The following MTRES1 variants were observed in gnomAD, a reference collection of about 807,000 sequenced individuals.
The protein encoded by MTRES1 is uncharacterized protein C6orf203.
In MTRES1, 11 loss-of-function variants were observed where a neutral mutation model predicts 17.4. The ratio of observed to expected loss-of-function variants is 0.63; its 90% CI spans 0.40 to 1.05. The LOEUF (loss-of-function observed/expected upper bound fraction) is 1.05, where lower values mean the gene tolerates loss of function less well. MTRES1 is among the 50% of genes least tolerant of loss of function. The pLI is 0.00. For synonymous variants in MTRES1, 94 were observed against 99.6 expected, an observed-to-expected ratio of 0.94 and a Z score of 0.34; for missense variants, 268 against 276.2, an observed-to-expected ratio of 0.97 and a Z score of 0.21.
chr6:107,030,158 C>T lies in MTRES1; in HGVS notation c.-13+1887C>T, dbSNP rs559911999. ...GCCAGTGTTGCTGAAGCTGAATTTG[C>T]AAGAGTCAAATTGGCAGATGAGGTT... On this transcript the variant is annotated intron_variant, in intron 1 of 3. Coordinates refer to ENST00000311381, the MANE Select transcript of MTRES1 (RefSeq NM_016487.5). 3.1e-5 allele frequency: 22 copies of T among 718,414 alleles called. No individual in the cohort carries two copies. In the South Asian group the frequency reaches 3.3e-4, roughly 11 times the overall value. 44.5% of individuals were successfully genotyped at this position (718,414 alleles called of 1,614,324 possible). A position where few individuals can be genotyped will look rare whatever the true frequency, so the allele number is the denominator to read the frequency against.
At chr6:107,039,639 C>A in intron 1 of MTRES1, 110 bp from the exon 2 acceptor site, 2 of 1,189,584 alleles carry the variant, frequency 1.7e-6, no homozygotes, top group Non-Finnish European at 2.3e-6. Flanking sequence ...TTTTTAGGGG[C>A]GAATACGTAT....
chr6:107,044,167 T>G (rs1309788346), intron 2 of MTRES1, 93 bp from the exon 3 acceptor site: 2 of 816,874 alleles, frequency 2.4e-6, no homozygotes, highest in South Asian at 1.7e-5. Context: ...AGTGTAGTTT[T>G]GTTACGTGGA....
At chr6:107,029,394 A>G (rs1290432075) in intron 1 of MTRES1, among the ~76,000 whole-genome samples, 2 of 151,702 alleles carry the variant, frequency 1.3e-5, no homozygotes, top group East Asian at 3.9e-4. Context: ...TCACCGTGTT[A>G]GCCAGGATGG....
At chr6:107,034,468 A>G (rs78500073) in intron 1 of MTRES1, among the ~76,000 whole-genome samples, 2 of 151,490 alleles carry the variant, frequency 1.3e-5, no homozygotes, top group East Asian at 3.9e-4. Context: ...AGAAAAAAAA[A>G]AGGAAAATAG....
At chr6:107,033,187 G>A (rs1390789962) in intron 1 of MTRES1, among the ~76,000 whole-genome samples, 1 of 152,126 alleles carries the variant, frequency 6.6e-6, no homozygotes, top group Non-Finnish European at 1.5e-5. Context: ...GCACTGTGTA[G>A]TCCCTATCAC....
chr6:107,041,008 C>G (rs1350336917), intron 2 of MTRES1: 1 of 151,836 alleles, frequency 6.6e-6, no homozygotes, highest in Non-Finnish European at 1.5e-5. Flanking sequence ...GGGCGGATCA[C>G]AAGGTCAGGA....
chr6:107,044,147 T>A, intron 2 of MTRES1, 113 bp from the exon 3 acceptor site: 1 of 689,942 alleles, frequency 1.4e-6, no homozygotes, highest in East Asian at 2.9e-5. Flanking sequence ...AAAATAGATT[T>A]GAGGGTACAA....
chr6:107,046,854 C>T (rs781973495), intron 3 of MTRES1, among the ~76,000 whole-genome samples: 9 of 152,120 alleles, frequency 5.9e-5, no homozygotes, highest in Non-Finnish European at 1.2e-4. Context: ...CTAAACTCAT[C>T]TCTTCCTGGG....
At chr6:107,050,526 C>T (rs1774556023) in intron 3 of MTRES1, among the ~76,000 whole-genome samples, 1 of 134,872 alleles carries the variant, frequency 7.4e-6, no homozygotes, top group Non-Finnish European at 1.6e-5. Context: ...TATTGAGGCC[C>T]TTGTATTTGA....
chr6:107,028,305 C>A (rs1356543264), intron 1 of MTRES1, 34 bp downstream of exon 1: 1 of 152,428 alleles, frequency 6.6e-6, no homozygotes, highest in Non-Finnish European at 1.5e-5. Context: ...CCGCGCCGGG[C>A]CCCCTGCCCG....
chr6:107,029,191 A>ATTTTTTTTTTTTTT (rs35093769), intron 1 of MTRES1, among the ~76,000 whole-genome samples: 2 of 98,856 alleles, frequency 2.0e-5, no homozygotes, highest in South Asian at 2.8e-4. Flanking sequence ...ACACCCGGCT[A>ATTTTTTTTTTTTTT]TTTTTTTTTT....
chr6:107,033,596 A>T (rs1773913318), intron 1 of MTRES1, among the ~76,000 whole-genome samples: 1 of 152,112 alleles, frequency 6.6e-6, no homozygotes, highest in Admixed American at 6.6e-5. Context: ...AGCTGGGCAG[A>T]TCACGAGGTC....
intron 1 of MTRES1, among the ~76,000 whole-genome samples, chr6:107,039,171 GC>G (rs1364115152): frequency 6.6e-6 from 1 of 152,138 alleles, no homozygotes; most frequent in Non-Finnish European, 1.5e-5. Context: ...TAGAACCAGT[GC>G]TTTCACATAT....
rs1264575593 is a variant in MTRES1, at chr6:107,045,325, C to CA, written c.543+1002dup. On this transcript the variant is annotated intron_variant, in intron 3 of 3. Transcript: ENST00000311381. ...TGAAACCCCATCTCTACTAAAAATA[C>CA]AAAAAAAAATTAGCCGGGTGTGGTG... Among the ~76,000 whole-genome samples, 121 of 150,574 alleles carry CA rather than the reference C, an allele frequency of 8.0e-4. 1 individual carries two copies. Among genetic ancestry groups the CA allele is most frequent in the African/African-American group, 2.8e-3 (115 of 41,026 alleles).
intron 2 of MTRES1, among the ~76,000 whole-genome samples, chr6:107,043,412 G>A (rs1774286830): frequency 6.6e-6 from 1 of 151,946 alleles, no homozygotes; most frequent in Non-Finnish European, 1.5e-5. Flanking sequence ...GGGGGTTAGG[G>A]GTGCCAACCC....
At chr6:107,046,154 C>T (rs1301467596) in intron 3 of MTRES1, among the ~76,000 whole-genome samples, 4 of 152,210 alleles carry the variant, frequency 2.6e-5, no homozygotes, top group African/African-American at 9.6e-5. Flanking sequence ...TACATGCAGT[C>T]ATAAGCCCTT....
At chr6:107,030,180 G>A in intron 1 of MTRES1, 1 of 718,416 alleles carries the variant, frequency 1.4e-6, no homozygotes. Context: ...TGGCAGATGA[G>A]GTTGGAGAGG....
intron 3 of MTRES1, among the ~76,000 whole-genome samples, chr6:107,046,089 T>C (rs1386264829): frequency 6.6e-6 from 1 of 152,178 alleles, no homozygotes; most frequent in African/African-American, 2.4e-5. Context: ...TGCCCCTGAC[T>C]TGAACCGGCA....
chr6:107,037,383 G>T (rs1047432733), intron 1 of MTRES1, among the ~76,000 whole-genome samples: 4 of 151,884 alleles, frequency 2.6e-5, no homozygotes, highest in Non-Finnish European at 4.4e-5. Context: ...GCTAATTTTC[G>T]TACTAAAAGT....
Sources: allele counts gnomAD v4.1 joint callset (sites outside exome capture counted in the v4.1 genomes callset), GRCh38; gene constraint gnomAD v4.1.1; transcripts MANE v1.5; gene names NCBI Gene and HGNC (gene_info 2026-07-23, HGNC 2026-07-21).